The following RET variants were observed in gnomAD, a reference collection of about 807,000 sequenced individuals.
RET encodes the protein ret proto-oncogene.
In RET, 19 loss-of-function variants were observed where a neutral mutation model predicts 118.3. That is an observed-to-expected ratio of 0.16 (90% CI 0.11 to 0.24). The LOEUF is 0.24. Among genes scored for constraint, RET ranks in the 10% least tolerant of loss-of-function variants. The pLI is 1.00. For missense variants in RET, 1,219 were observed against 1,502.1 expected (o/e 0.81, Z 3.12); for synonymous variants, 597 against 644.1 (o/e 0.93, Z 1.11).
In RET at chr10:43,126,710, A is replaced by G. The variant is rs1055571837; in HGVS notation, c.3175A>G (p.Asn1059Asp). ...AGCCCTCCCTTCCACATGGATTGAA[A>G]ACAAACTCTATGGTAGAATTTCCCA... ...PRALPSTWIE[N>D]KLYGMSDPNW... The change falls in exon 19 of 20, where the codon AAC becomes GAC. Residue 1059 changes from asparagine (N) to aspartate (D), a missense_variant. Physicochemically the swap from Asn to Asp is conservative, Grantham distance 23. Transcript: ENST00000355710. 1 of 1,613,948 alleles carries G rather than the reference A, an allele frequency of 6.2e-7. No individual in the cohort carries two copies. Among genetic ancestry groups the G allele is most frequent in the East Asian group, 2.2e-5 (1 of 44,870 alleles).
chr10:43,097,175 C>A (rs1238142864), intron 1 of RET, among the ~76,000 whole-genome samples: 2 of 152,152 alleles, frequency 1.3e-5, no homozygotes, highest in Non-Finnish European at 2.9e-5. Context: ...TTGGGAAGCC[C>A]AGGCCTGTCC....
At chr10:43,125,413 GTTCCT>G (rs1186412578) in intron 18 of RET, among the ~76,000 whole-genome samples, 2 of 152,222 alleles carry the variant, frequency 1.3e-5, no homozygotes, top group Non-Finnish European at 2.9e-5. Context: ...CCTCCAAAGG[GTTCCT>G]TGCTGGAGTA....
rs1470788618 is a variant in RET at position 43,114,412 on chromosome 10, T to C, written c.1880-68T>C. ...GGCTGGAGAGCCATGAGGCAGAGCATACGCAGCCTGTACCCAGTGGTGCCG... is the reference window on the plus strand; with the variant it reads ...GGCTGGAGAGCCATGAGGCAGAGCACACGCAGCCTGTACCCAGTGGTGCCG... On this transcript the variant is annotated intron_variant, in intron 10 of 19. Transcript: ENST00000355710. The surrounding 1 kb of genome is among the most constrained non-coding windows in gnomAD (Gnocchi z 4.6). 6.3e-7 allele frequency: 1 copy of C among 1,594,142 alleles called. No homozygotes were observed. The highest frequency in any genetic ancestry group is 1.7e-5 in the Admixed American group (1 of 59,582).
intron 1 of RET, among the ~76,000 whole-genome samples, chr10:43,092,172 T>A (rs532065865): frequency 6.6e-5 from 10 of 152,088 alleles, no homozygotes; most frequent in African/African-American, 9.6e-5. Context: ...GGAAAAAAAA[T>A]TTGCCACATC....
intron 1 of RET, among the ~76,000 whole-genome samples, chr10:43,084,165 G>C (rs567031733): frequency 6.6e-6 from 1 of 152,354 alleles, no homozygotes; most frequent in Admixed American, 6.5e-5. Context: ...TGGCAGTTAT[G>C]AAAAATGCTG....
In RET at chr10:43,111,240, T is replaced by C; in HGVS notation, c.1297T>C (p.Phe433Leu). ...GKVCVENCQA[F>L]SGINVQYKLH... ...AGTCTGTGTGGAAAACTGCCAGGCA[T>C]TCAGTGGCATCAACGTCCAGTACAA... is the stretch of plus-strand genomic sequence containing the variant. The change falls in exon 7 of 20, where the codon TTC becomes CTC. Residue 433 changes from phenylalanine to leucine, a missense_variant. This residue lies in a region of RET where 850 missense variants were observed against 969.6 expected (regional missense o/e 0.88). Transcript: ENST00000355710. The C allele has an allele frequency of 1.9e-6, 3 of 1,614,060 alleles. No homozygotes were observed. Among genetic ancestry groups the C allele is most frequent in the Non-Finnish European group, 2.5e-6 (3 of 1,180,010 alleles).
intron 5 of RET, among the ~76,000 whole-genome samples, chr10:43,108,222 G>A (rs991024807): frequency 2.6e-5 from 4 of 152,050 alleles, no homozygotes; most frequent in African/African-American, 9.7e-5. Context: ...AGGCGTGGTG[G>A]CACATGCCTG....
chr10:43,106,611 G>A lies in RET; in HGVS notation c.1063+40G>A, dbSNP rs1417476786. 1 of 1,595,732 alleles carries A rather than the reference G, an allele frequency of 6.3e-7. No individual in the cohort carries two copies. The highest frequency in any genetic ancestry group is 1.3e-5 in the African/African-American group (1 of 74,614). Reference sequence around the variant, plus strand: ...TGGCACGGCCTGGCTAGGCCCCCAGGAAATGAGGTGCTCGCTCTTCATGGG... The same window carrying A: ...TGGCACGGCCTGGCTAGGCCCCCAGAAAATGAGGTGCTCGCTCTTCATGGG... On this transcript the variant is annotated intron_variant, in intron 5 of 19. Coordinates refer to ENST00000355710, the MANE Select transcript of RET (RefSeq NM_020975.6). The surrounding 1 kb of genome is among the most constrained non-coding windows in gnomAD (Gnocchi z 5.1).
At chr10:43,088,681 C>T (rs1837347340) in intron 1 of RET, among the ~76,000 whole-genome samples, 1 of 152,200 alleles carries the variant, frequency 6.6e-6, no homozygotes, top group Non-Finnish European at 1.5e-5. Flanking sequence ...AGAGGAGAAA[C>T]TGAGATACAA....
intron 1 of RET, among the ~76,000 whole-genome samples, chr10:43,097,539 G>A (rs1464223894): frequency 2.0e-5 from 3 of 152,154 alleles, no homozygotes; most frequent in Non-Finnish European, 4.4e-5. Context: ...CATGGGATTG[G>A]GAGGGGGCTC....
rs2133035928 is a variant in RET, at chr10:43,126,667, T to G, written c.3132T>G (p.Asn1044Lys). Residue 1044 changes from asparagine (N) to lysine (K), a missense_variant, in exon 19 of 20, where the codon AAT (asparagine) becomes AAG (lysine). Asn to Lys is a moderately conservative substitution (Grantham distance 94). Around this residue, in one of 5 missense-constraint regions of RET, gnomAD observed 174 missense variants for 179.3 expected, o/e 0.97. Coordinates refer to ENST00000355710, the MANE Select transcript of RET (RefSeq NM_020975.6). ...AGGAGACACCGCTGGTGGACTGTAA[T>G]AATGCCCCCCTCCCTCGAGCCCTCC... ...SEEETPLVDC[N>K]NAPLPRALPS... 3.1e-6 allele frequency: 5 copies of G among 1,614,096 alleles called. No individual in the cohort carries two copies. The highest frequency in any genetic ancestry group is 4.2e-6 in the Non-Finnish European group (5 of 1,180,018).
At chr10:43,118,560 T>C in intron 13 of RET, 80 bp downstream of exon 13, 2 of 1,035,164 alleles carry the variant, frequency 1.9e-6, no homozygotes, top group Non-Finnish European at 3.0e-6. Context: ...TCCCTCTTTC[T>C]CCCTTTCCCT....
rs113005278 is a variant in RET, at chr10:43,119,623, A to G, written c.2485A>G (p.Ser829Gly). 1.2e-5 allele frequency: 20 copies of G among 1,612,774 alleles called. No individual in the cohort carries two copies. In the African/African-American group the frequency reaches 1.3e-4, roughly 11 times the overall value. Reference protein sequence around the residue: ...SRKVGPGYLGSGGSRNSSSLD... With the variant: ...SRKVGPGYLGGGGSRNSSSLD... Reference sequence around the variant, plus strand: ...CAAAGTGGGGCCTGGCTACCTGGGCAGTGGAGGCAGCCGCAACTCCAGCTC... The same window carrying G: ...CAAAGTGGGGCCTGGCTACCTGGGCGGTGGAGGCAGCCGCAACTCCAGCTC... Residue 829 changes from serine (S) to glycine (G), a missense_variant, in exon 14 of 20, where the codon AGT (serine) becomes GGT (glycine). By Grantham distance (56) the Ser-to-Gly change is moderately conservative (BLOSUM62 0). Coordinates refer to ENST00000355710, the MANE Select transcript of RET (RefSeq NM_020975.6).
intron 19 of RET, 23 bp from the exon 20 acceptor site, chr10:43,128,089 A>T: frequency 1.2e-6 from 2 of 1,614,014 alleles, no homozygotes; most frequent in Non-Finnish European, 1.7e-6. Context: ...AGTGCAGAAC[A>T]AATGATCTGT....
intron 16 of RET, among the ~76,000 whole-genome samples, chr10:43,123,294 ATTCTCACCGC>A (rs970398628): frequency 2.0e-5 from 3 of 152,222 alleles, no homozygotes; most frequent in African/African-American, 7.2e-5. Flanking sequence ...GGTGGCCTGC[ATTCTCACCGC>A]TTTAAGTGTG....
chr10:43,088,512 G>A (rs959366238), intron 1 of RET, among the ~76,000 whole-genome samples: 23 of 152,054 alleles, frequency 1.5e-4, no homozygotes, highest in Non-Finnish European at 3.1e-4. Flanking sequence ...GGAGGTAATG[G>A]TAGTGGTAGA....
At chr10:43,104,271 G>C (rs1837706964) in intron 3 of RET, among the ~76,000 whole-genome samples, 1 of 148,612 alleles carries the variant, frequency 6.7e-6, no homozygotes, top group Non-Finnish European at 1.5e-5. Flanking sequence ...AACACATATT[G>C]CTTCCATAAT....
chr10:43,091,257 G>C (rs772051027), intron 1 of RET, among the ~76,000 whole-genome samples: 4 of 152,134 alleles, frequency 2.6e-5, no homozygotes, highest in Non-Finnish European at 5.9e-5. Flanking sequence ...GTAATTCATA[G>C]ATCTGATCAG....
intron 4 of RET, 134 bp downstream of exon 4, chr10:43,105,327 C>A: frequency 1.5e-6 from 2 of 1,331,468 alleles, no homozygotes; most frequent in South Asian, 1.3e-5. Flanking sequence ...CCTTCGCCTC[C>A]GTCTGCGCCG....
Sources: gnomAD v4.1 joint callset for allele counts (sites outside exome capture counted in the v4.1 genomes callset) on GRCh38, gnomAD v4.1.1 for gene constraint, gnomAD v4.1.1 regional missense constraint, Gnocchi (gnomAD v3.1) non-coding constraint, MANE v1.5 for transcripts, NCBI Gene and HGNC (gene_info 2026-07-23, HGNC 2026-07-21) for gene names.